The following GFRA2 variants were observed in gnomAD, a reference collection of about 807,000 sequenced individuals.
GFRA2 encodes the protein GDNF family receptor alpha-2.
A neutral mutation model predicts 48.3 loss-of-function variants in GFRA2; 17 were observed. That is an observed-to-expected ratio of 0.35 (90% CI 0.24 to 0.53). GFRA2 has a LOEUF of 0.53. Among genes scored for constraint, GFRA2 ranks in the 20% least tolerant of loss-of-function variants. The probability of loss-of-function intolerance (pLI) is 0.93; values close to 1 mark genes in which losing one functional copy is unlikely to be tolerated. For synonymous variants in GFRA2, 305 were observed against 257.2 expected (o/e 1.19, Z -1.78); for missense variants, 660 against 637.3 (o/e 1.04, Z -0.38).
At chr8:21,721,221 G>A (rs1413445355) in intron 4 of GFRA2, among the ~76,000 whole-genome samples, 1 of 152,208 alleles carries the variant, frequency 6.6e-6, no homozygotes, top group African/African-American at 2.4e-5. Context: ...CACCAAGATA[G>A]TTCAGCTCCC....
At chr8:21,777,774 G>A (rs1806780251) in intron 2 of GFRA2, among the ~76,000 whole-genome samples, 1 of 152,160 alleles carries the variant, frequency 6.6e-6, no homozygotes, top group African/African-American at 2.4e-5. Context: ...CCTGGATAAG[G>A]AGTCGGGGCC....
In GFRA2 at chr8:21,724,234, G is replaced by T. The variant is rs548958717; in HGVS notation, c.795-18193C>A. Among the ~76,000 whole-genome samples, 47 of 152,196 alleles carry T rather than the reference G, an allele frequency of 3.1e-4. No individual in the cohort carries two copies. The South Asian group carries it at 9.1e-3, about 30-fold the overall frequency. On this transcript the variant is annotated intron_variant, in intron 4 of 8. Coordinates refer to ENST00000524240, the MANE Select transcript of GFRA2 (RefSeq NM_001495.5). ...TCCCTGCAGATGGTCTTGTGTGGGGGGCCTGGTGTTTCTTGGTGTTCCATC... is the reference window on the plus strand; with the variant it reads ...TCCCTGCAGATGGTCTTGTGTGGGGTGCCTGGTGTTTCTTGGTGTTCCATC...
At chr8:21,788,024 G>A (rs1807370808) in intron 1 of GFRA2, 96 bp downstream of exon 1, 2 of 516,920 alleles carry the variant, frequency 3.9e-6, no homozygotes, top group Admixed American at 4.4e-5. Flanking sequence ...CGCTCTCCCC[G>A]CCGACCTCCC....
intron 4 of GFRA2, among the ~76,000 whole-genome samples, chr8:21,741,299 T>C (rs1804732967): frequency 6.6e-6 from 1 of 152,288 alleles, no homozygotes; most frequent in South Asian, 2.1e-4. Flanking sequence ...CTTCTGCACA[T>C]GCTATGCCCT....
intron 4 of GFRA2, among the ~76,000 whole-genome samples, chr8:21,731,558 G>A (rs1370927261): frequency 6.6e-6 from 1 of 152,120 alleles, no homozygotes; most frequent in Non-Finnish European, 1.5e-5. Flanking sequence ...CAGGAATGAG[G>A]AAGTCCCCTG....
intron 8 of GFRA2, among the ~76,000 whole-genome samples, chr8:21,694,019 TTATA>T (rs1752412705): frequency 7.4e-6 from 1 of 135,588 alleles, no homozygotes; most frequent in African/African-American, 2.7e-5. Context: ...ATATATATAT[TTATA>T]TATACGTCAT....
chr8:21,806,617 A>C (rs1807872882), intron 1 of GFRA2, among the ~76,000 whole-genome samples: 2 of 152,174 alleles, frequency 1.3e-5, no homozygotes, highest in Admixed American at 1.3e-4. Context: ...GGCCTAAGCC[A>C]ACATACCTAG....
chr8:21,811,553 G>A (rs908198366), intron 1 of GFRA2, among the ~76,000 whole-genome samples: 1 of 152,110 alleles, frequency 6.6e-6, no homozygotes, highest in Non-Finnish European at 1.5e-5. Flanking sequence ...TAGGGCACTC[G>A]GGTCAGAGGA....
intron 2 of GFRA2, among the ~76,000 whole-genome samples, chr8:21,795,371 C>CTTTTTTT (rs1807651505): frequency 6.9e-6 from 1 of 145,060 alleles, no homozygotes; most frequent in Non-Finnish European, 1.5e-5. Flanking sequence ...TTTCTTTTTT[C>CTTTTTTT]TTTTTTCTTT....
At chr8:21,718,733 C>T (rs1335794753) in intron 4 of GFRA2, among the ~76,000 whole-genome samples, 1 of 152,166 alleles carries the variant, frequency 6.6e-6, no homozygotes, top group African/African-American at 2.4e-5. Context: ...TCGAACAGTT[C>T]TCTGACATTG....
intron 3 of GFRA2, among the ~76,000 whole-genome samples, chr8:21,757,106 C>G (rs908394390): frequency 1.3e-5 from 2 of 152,190 alleles, no homozygotes; most frequent in Non-Finnish European, 2.9e-5. Context: ...CTCCTACTCC[C>G]TGGGTGAGGG....
chr8:21,727,800 C>T (rs1033890427), intron 4 of GFRA2, among the ~76,000 whole-genome samples: 2 of 152,180 alleles, frequency 1.3e-5, no homozygotes, highest in Non-Finnish European at 2.9e-5. Flanking sequence ...AGCCCATGTC[C>T]AGGGACTGTC....
At position 21,750,534 on chromosome 8, in the gene GFRA2, CT is replaced by C. The variant is rs1205892469; in HGVS notation, c.794+53del. 1 of 985,004 alleles carries C rather than the reference CT, an allele frequency of 1.0e-6. No homozygotes were observed. The highest frequency in any genetic ancestry group is 1.6e-5 in the African/African-American group (1 of 61,902). The allele number at this position is 985,004 out of a possible 1,614,324, so 61.0% of individuals were successfully genotyped here. A position where few individuals can be genotyped will look rare whatever the true frequency, so the allele number is the denominator to read the frequency against. On this transcript the variant is annotated intron_variant, in intron 4 of 8. Coordinates refer to ENST00000524240, the MANE Select transcript of GFRA2 (RefSeq NM_001495.5). The surrounding 1 kb of genome is among the most constrained non-coding windows in gnomAD (Gnocchi z 5.7). The stretch of plus-strand genomic sequence containing the variant: ...GAATGCAGAGAAAGGAAAACACAGC[CT>C]GGCAATGCAAGCGCCCTCCTGCCAG...
intron 2 of GFRA2, chr8:21,804,985 C>T (rs920067740): frequency 6.6e-6 from 1 of 152,266 alleles, no homozygotes; most frequent in African/African-American, 2.4e-5. Flanking sequence ...CAAGGCATGC[C>T]TCCCATCTAG....
At chr8:21,717,225 G>A (rs1411454472) in intron 4 of GFRA2, among the ~76,000 whole-genome samples, 1 of 152,192 alleles carries the variant, frequency 6.6e-6, no homozygotes, top group Non-Finnish European at 1.5e-5. Flanking sequence ...ATTCATGAAA[G>A]AAGACAGAAC....
In GFRA2 at chr8:21,702,832, A is replaced by C; in HGVS notation, c.1191T>G (p.Ser397Arg). 1 of 1,609,314 alleles carries C rather than the reference A, an allele frequency of 6.2e-7. No individual in the cohort carries two copies. Among genetic ancestry groups the C allele is most frequent in the Admixed American group, 1.7e-5 (1 of 59,670 alleles). Residue 397 changes from serine to arginine, a missense_variant, in exon 7 of 9, where the codon AGT (serine) becomes AGG (arginine). Physicochemically the swap from Ser to Arg is moderately radical, Grantham distance 110 (BLOSUM62 -1). Transcript: ENST00000524240. The part of the protein sequence containing the change: ...DLSDSTSLGT[S>R]VITTCTSVQE... ...GGACAGACGTGCAGGTGGTGATGAC[A>C]CTGGTCCCCAAGCTGGTACTGTCAC...
chr8:21,763,982 C>G (rs992602504), intron 3 of GFRA2, among the ~76,000 whole-genome samples: 1 of 150,324 alleles, frequency 6.7e-6, no homozygotes, highest in Non-Finnish European at 1.5e-5. Flanking sequence ...CACACACACA[C>G]ACACACACAC....
chr8:21,767,761 C>T (rs1806248064), intron 3 of GFRA2, among the ~76,000 whole-genome samples: 1 of 152,230 alleles, frequency 6.6e-6, no homozygotes, highest in African/African-American at 2.4e-5. Flanking sequence ...TCAACCACAG[C>T]ACCTGAAATA....
At chr8:21,725,286 A>T (rs1585258314) in intron 4 of GFRA2, among the ~76,000 whole-genome samples, 1 of 152,304 alleles carries the variant, frequency 6.6e-6, no homozygotes, top group East Asian at 1.9e-4. Context: ...TGCAGACCAG[A>T]TCCTACTACA....
Sources: gnomAD v4.1 joint callset for allele counts (sites outside exome capture counted in the v4.1 genomes callset) on GRCh38, gnomAD v4.1.1 for gene constraint, Gnocchi (gnomAD v3.1) non-coding constraint, MANE v1.5 for transcripts, NCBI Gene and HGNC (gene_info 2026-07-23, HGNC 2026-07-21) for gene names.